Variants in ODAD2 observed in about 807,000 individuals in gnomAD.
ODAD2 encodes the protein outer dynein arm docking complex subunit 2.
ODAD2 carries 89 observed loss-of-function variants against 106.8 expected under a neutral mutation model. That is an observed-to-expected ratio of 0.83 (90% confidence interval 0.70 to 0.99). The LOEUF is 0.99. Among genes scored for constraint, ODAD2 ranks in the 50% least tolerant of loss-of-function variants. The pLI, the probability that ODAD2 is intolerant of heterozygous loss-of-function variation, is 0.00. For synonymous variants in ODAD2, 404 were observed against 436.2 expected (o/e 0.93, Z 0.92); for missense variants, 1,168 against 1,238.5 (o/e 0.94, Z 0.85).
At chr10:27,883,494 A>G (rs1841883182) in intron 17 of ODAD2, among the ~76,000 whole-genome samples, 1 of 152,194 alleles carries the variant, frequency 6.6e-6, no homozygotes, top group South Asian at 2.1e-4. Flanking sequence ...TGTGATACAT[A>G]CAACAAAGGA....
chr10:27,823,863 G>A lies in ODAD2; in HGVS notation c.3022-11238C>T, dbSNP rs1836809605. Reference sequence around the variant, plus strand: ...TATGTTCATAAAAATAGTTCAGGCCGGGCGCGGTGGCTCACGCCTGTAATC... The same window carrying A: ...TATGTTCATAAAAATAGTTCAGGCCAGGCGCGGTGGCTCACGCCTGTAATC... On this transcript the variant is annotated intron_variant, in intron 19 of 19. Transcript: ENST00000305242. Among the ~76,000 whole-genome samples the A allele has an allele frequency of 4.1e-5, 6 of 146,526 alleles. 1 individual carries two copies. Among genetic ancestry groups the A allele is most frequent in the African/African-American group, 8.1e-5 (3 of 37,248 alleles).
chr10:27,869,648 G>A (rs73604089), intron 17 of ODAD2, among the ~76,000 whole-genome samples: 3,357 of 151,620 alleles, frequency 0.022, 146 homozygotes, highest in African/African-American at 0.077. Context: ...GATTCTCCTG[G>A]CTTAGCCTCC....
chr10:27,926,279 A>G (rs1845256122), intron 16 of ODAD2, among the ~76,000 whole-genome samples: 1 of 152,142 alleles, frequency 6.6e-6, no homozygotes. Flanking sequence ...GAGAATTAAC[A>G]ATAAAAGGAA....
chr10:27,986,477 T>C (rs1849880909), intron 3 of ODAD2, among the ~76,000 whole-genome samples: 1 of 152,196 alleles, frequency 6.6e-6, no homozygotes, highest in Admixed American at 6.5e-5. Flanking sequence ...AACTACCTCC[T>C]TGAATTCAGC....
intron 18 of ODAD2, 22 bp from the exon 19 acceptor site, chr10:27,860,868 G>T: frequency 6.3e-7 from 1 of 1,596,562 alleles, no homozygotes; most frequent in South Asian, 1.1e-5. Context: ...AAAATGAAAT[G>T]GGATCTGTGC....
In ODAD2 at chr10:27,988,398, C is replaced by T. The variant is rs113013028; in HGVS notation, c.225-855G>A. On this transcript the variant is annotated intron_variant, in intron 2 of 19. Coordinates refer to ENST00000305242, the MANE Select transcript of ODAD2 (RefSeq NM_018076.5). ...TGTCACCGGGATTGGAGTGCAGTGG[C>T]GTGATCTCGGGTCACTGCAACCTCT... Among the ~76,000 whole-genome samples the T allele has an allele frequency of 6.3e-4, 91 of 145,068 alleles. 1 individual carries two copies. Among genetic ancestry groups the T allele is most frequent in the African/African-American group, 2.3e-3 (90 of 38,846 alleles).
chr10:27,832,137 G>A (rs777241068), intron 19 of ODAD2, among the ~76,000 whole-genome samples: 10 of 152,230 alleles, frequency 6.6e-5, no homozygotes, highest in Admixed American at 2.6e-4. Flanking sequence ...CTGCAGCAAC[G>A]AATGAGGCTG....
rs553552188 is a variant in ODAD2, at chr10:27,813,997, C to T, written c.3022-1372G>A. On this transcript the variant is annotated intron_variant, in intron 19 of 19. Coordinates refer to ENST00000305242, the MANE Select transcript of ODAD2 (RefSeq NM_018076.5). ...GAAAATAAAAATGGTAATCTCACAT[C>T]ATACATAAATAGCAATTCCAGATGG... Among the ~76,000 whole-genome samples, 3 of 152,280 alleles carry T rather than the reference C, an allele frequency of 2.0e-5. No homozygotes were observed. The South Asian group carries it at 6.2e-4, about 32-fold the overall frequency.
intron 2 of ODAD2, among the ~76,000 whole-genome samples, chr10:27,988,744 C>A (rs532784803): frequency 6.6e-6 from 1 of 152,090 alleles, no homozygotes; most frequent in South Asian, 2.1e-4. Context: ...TACTGACGAT[C>A]TCACTAGAAT....
intron 19 of ODAD2, among the ~76,000 whole-genome samples, chr10:27,846,295 A>C (rs537497770): frequency 6.6e-6 from 1 of 152,082 alleles, no homozygotes; most frequent in African/African-American, 2.4e-5. Context: ...AACTACATGG[A>C]AACTGAACAA....
chr10:27,850,511 C>T (rs558240047), intron 19 of ODAD2, among the ~76,000 whole-genome samples: 5 of 150,460 alleles, frequency 3.3e-5, no homozygotes, highest in Admixed American at 2.6e-4. Context: ...GAGCTGATAT[C>T]GTACTACTAC....
At chr10:27,849,134 A>G (rs1839043755) in intron 19 of ODAD2, among the ~76,000 whole-genome samples, 1 of 152,230 alleles carries the variant, frequency 6.6e-6, no homozygotes, top group African/African-American at 2.4e-5. Context: ...TCACAATAGC[A>G]AAGACTTGGA....
intron 7 of ODAD2, among the ~76,000 whole-genome samples, chr10:27,977,145 A>T (rs1738026307): frequency 6.6e-6 from 1 of 152,180 alleles, no homozygotes; most frequent in Non-Finnish European, 1.5e-5. Context: ...AGAAGAAAAC[A>T]TTGGAGAAAT....
chr10:27,997,526 A>G (rs2133250416), intron 1 of ODAD2: 1 of 152,356 alleles, frequency 6.6e-6, no homozygotes, highest in African/African-American at 2.4e-5. Context: ...TTAACACAGA[A>G]TTAAGAAATG....
chr10:27,918,294 A>G (rs1844535827), intron 16 of ODAD2, among the ~76,000 whole-genome samples: 1 of 151,982 alleles, frequency 6.6e-6, no homozygotes, highest in African/African-American at 2.4e-5. Context: ...CATGAACGCA[A>G]GAATGCATGA....
At chr10:27,943,561 C>T (rs1474716268) in intron 12 of ODAD2, among the ~76,000 whole-genome samples, 2 of 151,762 alleles carry the variant, frequency 1.3e-5, no homozygotes, top group Non-Finnish European at 2.9e-5. Context: ...CCAAGGTGGG[C>T]GGATTACCTG....
intron 19 of ODAD2, among the ~76,000 whole-genome samples, chr10:27,813,986 T>C (rs1835934564): frequency 6.6e-6 from 1 of 152,144 alleles, no homozygotes; most frequent in Admixed American, 6.5e-5. Context: ...ATAAAAATGG[T>C]AATCTCACAT....
At chr10:27,847,245 A>C (rs897923080) in intron 19 of ODAD2, among the ~76,000 whole-genome samples, 17 of 152,286 alleles carry the variant, frequency 1.1e-4, no homozygotes, top group African/African-American at 2.2e-4. Context: ...GGGCTTCATC[A>C]CTGGGATGCA....
At position 27,935,702 on chromosome 10, in the gene ODAD2, T is replaced by TA. The variant is rs34102636; in HGVS notation, c.2253-451dup. Among the ~76,000 whole-genome samples the TA allele has an allele frequency of 5.4e-3, 797 of 146,348 alleles. 6 individuals carry two copies. Among genetic ancestry groups the TA allele is most frequent in the African/African-American group, 0.015 (619 of 40,044 alleles). On this transcript the variant is annotated intron_variant, in intron 15 of 19. Transcript: ENST00000305242. Reference sequence around the variant, plus strand: ...TGAGTAGTAGCTTGTGCTACTTGGATAAAAAAAAAAAAGTCACTCTCAGGT... The same window carrying TA: ...TGAGTAGTAGCTTGTGCTACTTGGATAAAAAAAAAAAAAGTCACTCTCAGGT...
Sources: allele counts gnomAD v4.1 joint callset (sites outside exome capture counted in the v4.1 genomes callset), GRCh38; gene constraint gnomAD v4.1.1; transcripts MANE v1.5; gene names NCBI Gene and HGNC (gene_info 2026-07-23, HGNC 2026-07-21).